The following EML4 variants were observed in gnomAD, a reference collection of about 807,000 sequenced individuals.
EML4 encodes the protein echinoderm microtubule-associated protein-like 4.
A neutral mutation model predicts 129.0 loss-of-function variants in EML4; 72 were observed. The observed-to-expected ratio is 0.56, with a 90% CI of 0.46 to 0.68. The LOEUF (loss-of-function observed/expected upper bound fraction) is 0.68, where lower values mean the gene tolerates loss of function less well. Ranked by LOEUF, EML4 falls within the 30% of genes least tolerant of loss-of-function variation. The probability of loss-of-function intolerance (pLI) is 0.00; values close to 1 mark genes in which losing one functional copy is unlikely to be tolerated. For synonymous variants in EML4, 532 were observed against 405.0 expected (o/e 1.31, Z -3.77); for missense variants, 1,363 against 1,190.6 (o/e 1.14, Z -2.13).
intron 1 of EML4, among the ~76,000 whole-genome samples, chr2:42,215,378 T>C (rs1309520762): frequency 1.3e-5 from 2 of 152,202 alleles, no homozygotes; most frequent in African/African-American, 4.8e-5. Context: ...AACAGAATGG[T>C]ATTCAAATCT....
intron 1 of EML4, among the ~76,000 whole-genome samples, chr2:42,209,781 T>A (rs963710065): frequency 5.3e-5 from 8 of 151,990 alleles, no homozygotes; most frequent in African/African-American, 1.7e-4. Flanking sequence ...AATACAAAAT[T>A]AGCTGGGCAT....
intron 1 of EML4, among the ~76,000 whole-genome samples, chr2:42,203,188 C>T (rs1302744219): frequency 6.6e-6 from 1 of 152,156 alleles, no homozygotes; most frequent in Non-Finnish European, 1.5e-5. Flanking sequence ...ATTGAAACAT[C>T]ACATTGTGTC....
chr2:42,240,753 A>G (rs1674973763), intron 1 of EML4, among the ~76,000 whole-genome samples: 1 of 152,196 alleles, frequency 6.6e-6, no homozygotes, highest in African/African-American at 2.4e-5. Context: ...TTGCCATGCC[A>G]TGCATTATTT....
At chr2:42,171,333 G>A (rs11902328) in intron 1 of EML4, among the ~76,000 whole-genome samples, 80,944 of 152,088 alleles carry the variant, frequency 0.53, 21,858 homozygotes, top group Admixed American at 0.66. Context: ...TCCTGTAGGA[G>A]TGGTGAGATC....
intron 1 of EML4, among the ~76,000 whole-genome samples, chr2:42,235,236 C>T (rs1030289110): frequency 1.3e-5 from 2 of 151,036 alleles, no homozygotes; most frequent in African/African-American, 4.9e-5. Flanking sequence ...GCAGAGGTTG[C>T]AGTGAGCCGA....
intron 1 of EML4, among the ~76,000 whole-genome samples, chr2:42,217,885 C>G (rs1243431591): frequency 6.6e-6 from 1 of 152,164 alleles, no homozygotes; most frequent in Non-Finnish European, 1.5e-5. Flanking sequence ...GGAATTTGAT[C>G]TGGGTGCTGA....
chr2:42,253,695 G>A (rs1032907050), intron 2 of EML4, among the ~76,000 whole-genome samples: 29 of 151,960 alleles, frequency 1.9e-4, no homozygotes, highest in African/African-American at 6.8e-4. Flanking sequence ...ACCCTAATTC[G>A]AGTTATTAAA....
At chr2:42,183,979 C>T (rs1338086159) in intron 1 of EML4, among the ~76,000 whole-genome samples, 1 of 152,120 alleles carries the variant, frequency 6.6e-6, no homozygotes, top group Non-Finnish European at 1.5e-5. Context: ...TTCTGGCCCT[C>T]TTTCTTTCCG....
intron 19 of EML4, among the ~76,000 whole-genome samples, chr2:42,320,303 A>G (rs1669453672): frequency 6.6e-6 from 1 of 151,752 alleles, no homozygotes; most frequent in Admixed American, 6.6e-5. Context: ...AGCCTGGGCA[A>G]TTAACCAAGA....
intron 1 of EML4, among the ~76,000 whole-genome samples, chr2:42,193,445 G>C (rs1314164634): frequency 6.6e-6 from 1 of 152,194 alleles, no homozygotes; most frequent in African/African-American, 2.4e-5. Context: ...AATGGTGTCT[G>C]CTGTGTGATT....
intron 11 of EML4, 136 bp from the exon 12 acceptor site, chr2:42,294,989 A>C (rs1366182258): frequency 2.8e-6 from 2 of 723,118 alleles, no homozygotes; most frequent in Non-Finnish European, 2.1e-6. Context: ...AAAATTTTTC[A>C]GGAAAATTGT....
chr2:42,220,068 CAT>C (rs1309937639), intron 1 of EML4, among the ~76,000 whole-genome samples: 1 of 151,968 alleles, frequency 6.6e-6, no homozygotes, highest in Non-Finnish European at 1.5e-5. Context: ...TATTTTCACT[CAT>C]AGTGTATGTC....
intron 11 of EML4, among the ~76,000 whole-genome samples, chr2:42,291,977 G>T (rs1390708420): frequency 6.6e-6 from 1 of 152,108 alleles, no homozygotes; most frequent in Non-Finnish European, 1.5e-5. Context: ...ACGTGAAAAA[G>T]ACAAAAATAC....
In EML4 at chr2:42,169,443, C is replaced by T. The variant is rs1670115201; in HGVS notation, c.-169C>T. The T allele has an allele frequency of 1.6e-6, 1 of 630,164 alleles. No individual in the cohort carries two copies. The highest frequency in any genetic ancestry group is 2.5e-6 in the Non-Finnish European group (1 of 396,182). 39.0% of individuals were successfully genotyped at this position (630,164 alleles called of 1,614,324 possible). On this transcript the variant is annotated 5_prime_UTR_variant, in exon 1 of 23. Coordinates refer to ENST00000318522, the MANE Select transcript of EML4 (RefSeq NM_019063.5). ...GTGACGGGGAAGTGGTTCGGGCGGC[C>T]GCGGCTTACTACCCCAGGGCGAACG...
intron 22 of EML4, among the ~76,000 whole-genome samples, chr2:42,329,501 T>C (rs868306426): frequency 5.3e-5 from 8 of 152,138 alleles, no homozygotes; most frequent in African/African-American, 1.4e-4. Flanking sequence ...TTTAAACATA[T>C]AGTGTGAAAA....
intron 13 of EML4, among the ~76,000 whole-genome samples, chr2:42,299,673 G>GT (rs1353731915): frequency 2.6e-5 from 4 of 151,808 alleles, no homozygotes; most frequent in East Asian, 3.9e-4. Context: ...CTTTCACTTA[G>GT]TTTTTTTTGT....
Position 42,279,781 on chromosome 2 carries a change from TTTATTA to T in EML4, c.668-1050_668-1045del, listed in dbSNP as rs550761104. ...GAGCCACCGCGCCCGGCTGTCTTTT[TTTATTA>T]TTATTATTATTATTATTAATAGCCA... On this transcript the variant is annotated intron_variant, in intron 6 of 22. Coordinates refer to ENST00000318522, the MANE Select transcript of EML4 (RefSeq NM_019063.5). 5.9e-5 allele frequency among the ~76,000 whole-genome samples: 9 copies of T among 151,284 alleles called. No homozygotes were observed. The South Asian group carries it at 1.0e-3, about 18-fold the overall frequency.
chr2:42,205,133 G>C (rs941712776), intron 1 of EML4, among the ~76,000 whole-genome samples: 1 of 151,988 alleles, frequency 6.6e-6, no homozygotes, highest in Non-Finnish European at 1.5e-5. Flanking sequence ...TAAAATGAAG[G>C]GTTCTCAACA....
At chr2:42,193,073 G>C (rs561566743) in intron 1 of EML4, among the ~76,000 whole-genome samples, 2 of 152,282 alleles carry the variant, frequency 1.3e-5, no homozygotes, top group Admixed American at 1.3e-4. Context: ...GTAAAGAACA[G>C]TCATATACCA....
Sources: gnomAD v4.1 joint callset for allele counts (sites outside exome capture counted in the v4.1 genomes callset) on GRCh38, gnomAD v4.1.1 for gene constraint, MANE v1.5 for transcripts, NCBI Gene and HGNC (gene_info 2026-07-23, HGNC 2026-07-21) for gene names.